NR3C2: variants seen among roughly 807,000 people sequenced by gnomAD.
NR3C2 encodes mineralocorticoid receptor.
In NR3C2, 15 loss-of-function variants were observed where a neutral mutation model predicts 86.4. That is an observed-to-expected ratio of 0.17 (90% CI 0.12 to 0.27). NR3C2 has a LOEUF of 0.27. Ranked by LOEUF, NR3C2 falls within the 10% of genes least tolerant of loss-of-function variation. The pLI is 1.00. For missense variants in NR3C2, 960 were observed against 1,195.6 expected (o/e 0.80, Z 2.91); for synonymous variants, 458 against 450.5 (o/e 1.02, Z -0.21).
At chr4:148,104,649 T>C (rs1731712887) in intron 8 of NR3C2, among the ~76,000 whole-genome samples, 1 of 152,228 alleles carries the variant, frequency 6.6e-6, no homozygotes, top group Non-Finnish European at 1.5e-5. Flanking sequence ...AGTAGCCTTA[T>C]TTCATTGTCA....
chr4:148,209,393 C>T (rs1314416979), intron 3 of NR3C2, among the ~76,000 whole-genome samples: 2 of 152,180 alleles, frequency 1.3e-5, no homozygotes, highest in African/African-American at 4.8e-5. Context: ...AATGCTGCTG[C>T]CTCAGCCTCT....
chr4:148,334,015 A>G (rs1409387353), intron 2 of NR3C2, among the ~76,000 whole-genome samples: 1 of 152,196 alleles, frequency 6.6e-6, no homozygotes, highest in Non-Finnish European at 1.5e-5. Flanking sequence ...TTAGAAAACG[A>G]ATTGTGAAGT....
intron 3 of NR3C2, among the ~76,000 whole-genome samples, chr4:148,251,273 T>C (rs547732657): frequency 1.9e-4 from 29 of 152,248 alleles, no homozygotes; most frequent in African/African-American, 6.7e-4. Flanking sequence ...CTCCATCTAA[T>C]AGTCTTCCAT....
chr4:148,435,351 G>C lies in NR3C2; in HGVS notation c.1510C>G (p.Pro504Ala). ...KQEPDDGSYY[P>A]EASIPSSAIV... ...GCAGAGGAAGGGATGCTGGCCTCTGGGTAATAGCTCCCATCATCTGGTTCT... is the reference window on the plus strand; with the variant it reads ...GCAGAGGAAGGGATGCTGGCCTCTGCGTAATAGCTCCCATCATCTGGTTCT... The change falls in exon 2 of 9, where the codon CCA (proline) becomes GCA (alanine). Residue 504 changes from proline to alanine, a missense_variant. Coordinates refer to ENST00000358102, the MANE Select transcript of NR3C2 (RefSeq NM_000901.5). 1 of 1,614,140 alleles carries C rather than the reference G, an allele frequency of 6.2e-7. No homozygotes were observed. The highest frequency in any genetic ancestry group is 1.1e-5 in the South Asian group (1 of 91,072).
At chr4:148,237,615 A>T (rs28529230) in intron 3 of NR3C2, among the ~76,000 whole-genome samples, 8 of 150,666 alleles carry the variant, frequency 5.3e-5, no homozygotes, top group African/African-American at 1.9e-4. Context: ...ATGAATTTAC[A>T]TTCTGCAGCG....
chr4:148,079,791 T>G lies in NR3C2; in HGVS notation c.*1553A>C, dbSNP rs563208656. ...TTTTAAAACCTACCTTTTAAAAATC[T>G]AAAACCCCTCTATCTCCCGGTCTCC... On this transcript the variant is annotated 3_prime_UTR_variant, in exon 9 of 9. Coordinates refer to ENST00000358102, the MANE Select transcript of NR3C2 (RefSeq NM_000901.5). The G allele has an allele frequency of 6.5e-6, 1 of 152,700 alleles. No homozygotes were observed. The highest frequency in any genetic ancestry group is 1.5e-5 in the Non-Finnish European group (1 of 68,034). 9.5% of individuals were successfully genotyped at this position (152,700 alleles called of 1,614,324 possible).
chr4:148,124,962 A>G (rs1732677413), intron 6 of NR3C2, among the ~76,000 whole-genome samples: 1 of 152,166 alleles, frequency 6.6e-6, no homozygotes, highest in Non-Finnish European at 1.5e-5. Flanking sequence ...TTTTTCCTTT[A>G]CATATCTAGA....
intron 2 of NR3C2, among the ~76,000 whole-genome samples, chr4:148,305,373 G>A (rs1313305313): frequency 6.6e-5 from 10 of 152,000 alleles, no homozygotes; most frequent in Non-Finnish European, 1.5e-4. Flanking sequence ...AGAAACTGAG[G>A]GTGCCACTTT....
intron 3 of NR3C2, among the ~76,000 whole-genome samples, chr4:148,248,718 CAT>C (rs892031844): frequency 1.6e-4 from 25 of 152,148 alleles, no homozygotes; most frequent in African/African-American, 5.1e-4. Context: ...CCTAAAGTAA[CAT>C]ATGTTTTTCT....
intron 8 of NR3C2, among the ~76,000 whole-genome samples, chr4:148,099,169 G>GT: frequency 6.6e-6 from 1 of 152,342 alleles, no homozygotes. Flanking sequence ...GCGTAACTGC[G>GT]TAATTGGTGG....
chr4:148,444,928 G>A (rs1240258360), upstream of NR3C2: 2 of 984,880 alleles, frequency 2.0e-6, no homozygotes, highest in Admixed American at 6.2e-5. Context: ...CCCTCCCCGG[G>A]CCCTGGGTGG....
Position 148,262,041 on chromosome 4 carries a change from T to C in NR3C2, c.1758-1924A>G, listed in dbSNP as rs1360811231. On this transcript the variant is annotated intron_variant, in intron 2 of 8. Coordinates refer to ENST00000358102, the MANE Select transcript of NR3C2 (RefSeq NM_000901.5). ...TCTTTATGGCATTCAAAACATTCCA[T>C]TTCTGCACCAGTAACTTCTTCAACA... Among the ~76,000 whole-genome samples, 4 of 152,204 alleles carry C rather than the reference T, an allele frequency of 2.6e-5. No homozygotes were observed. The East Asian group carries it at 7.7e-4, about 29-fold the overall frequency.
intron 2 of NR3C2, among the ~76,000 whole-genome samples, chr4:148,308,283 C>T (rs1449553466): frequency 6.6e-6 from 1 of 152,058 alleles, no homozygotes; most frequent in Non-Finnish European, 1.5e-5. Context: ...AGATCTGTGC[C>T]ATTACGTATT....
chr4:148,123,604 G>A (rs555357992), intron 6 of NR3C2, among the ~76,000 whole-genome samples: 1 of 152,284 alleles, frequency 6.6e-6, no homozygotes, highest in Admixed American at 6.5e-5. Context: ...ACCCCCAGTG[G>A]CCCAGCTGTA....
At chr4:148,335,611 G>A (rs1046351543) in intron 2 of NR3C2, among the ~76,000 whole-genome samples, 3 of 152,030 alleles carry the variant, frequency 2.0e-5, no homozygotes, top group African/African-American at 7.3e-5. Flanking sequence ...TATTAGAATT[G>A]CTTGAATATT....
At chr4:148,390,954 T>C (rs900204972) in intron 2 of NR3C2, among the ~76,000 whole-genome samples, 2 of 152,228 alleles carry the variant, frequency 1.3e-5, no homozygotes, top group African/African-American at 4.8e-5. Flanking sequence ...AAACCAATTG[T>C]TGCTAAAATG....
At chr4:148,089,916 G>C (rs1730984266) in intron 8 of NR3C2, among the ~76,000 whole-genome samples, 1 of 152,220 alleles carries the variant, frequency 6.6e-6, no homozygotes, top group African/African-American at 2.4e-5. Context: ...GGCTGTGAGG[G>C]GGACTTTTTC....
rs1175816621 is a variant in NR3C2 at position 148,134,643 on chromosome 4, CTTTT to C, written c.2511-14359_2511-14356del. Among the ~76,000 whole-genome samples, 99 of 40,806 alleles carry C rather than the reference CTTTT, an allele frequency of 2.4e-3. 2 individuals carry two copies. Among genetic ancestry groups the C allele is most frequent in the African/African-American group, 3.7e-3 (44 of 11,768 alleles). 26.8% of individuals were successfully genotyped at this position (40,806 alleles called of 152,430 possible). A position where few individuals can be genotyped will look rare whatever the true frequency, so the allele number is the denominator to read the frequency against. ...CCTGTGATTCTCTCTCTCTCTCTCT[CTTTT>C]TTTTTTTTTTTTTTTTTTTTAGAGG... On this transcript the variant is annotated intron_variant, in intron 6 of 8. Coordinates refer to ENST00000358102, the MANE Select transcript of NR3C2 (RefSeq NM_000901.5).
At chr4:148,375,380 C>T (rs931702987) in intron 2 of NR3C2, among the ~76,000 whole-genome samples, 7 of 151,280 alleles carry the variant, frequency 4.6e-5, no homozygotes, top group South Asian at 2.1e-4. Context: ...TGCTTGAACC[C>T]GGGAGGTGGA....
Sources: allele counts gnomAD v4.1 joint callset (sites outside exome capture counted in the v4.1 genomes callset), GRCh38; gene constraint gnomAD v4.1.1; transcripts MANE v1.5; gene names NCBI Gene and HGNC (gene_info 2026-07-23, HGNC 2026-07-21).